CACNA1D: variants seen among roughly 807,000 people sequenced by gnomAD.
CACNA1D encodes the protein voltage-dependent L-type calcium channel subunit alpha-1D.
A neutral mutation model predicts 257.1 loss-of-function variants in CACNA1D; 55 were observed. The ratio of observed to expected loss-of-function variants is 0.21; its 90% confidence interval spans 0.17 to 0.27. The LOEUF (loss-of-function observed/expected upper bound fraction) is 0.27. CACNA1D is among the 10% of genes least tolerant of loss of function. The probability of loss-of-function intolerance (pLI) is 1.00; values close to 1 mark genes in which losing one functional copy is unlikely to be tolerated. For missense variants in CACNA1D, 1,876 were observed against 2,784.0 expected (o/e 0.67, Z 7.34); for synonymous variants, 980 against 1,014.9 (o/e 0.97, Z 0.65).
intron 4 of CACNA1D, among the ~76,000 whole-genome samples, chr3:53,651,663 C>T (rs1028869012): frequency 6.6e-5 from 10 of 152,188 alleles, no homozygotes; most frequent in Admixed American, 6.5e-4. Flanking sequence ...TACAGGAATG[C>T]TGGGTCTTTG....
intron 3 of CACNA1D, among the ~76,000 whole-genome samples, chr3:53,543,311 C>T (rs1037498097): frequency 2.0e-5 from 3 of 152,142 alleles, no homozygotes; most frequent in Non-Finnish European, 2.9e-5. Context: ...CACTGTTTCT[C>T]ATGCCCCATC....
At chr3:53,654,301 C>T (rs1024912617) in intron 4 of CACNA1D, among the ~76,000 whole-genome samples, 2 of 152,168 alleles carry the variant, frequency 1.3e-5, no homozygotes, top group Non-Finnish European at 2.9e-5. Flanking sequence ...ACAGATATTT[C>T]TCCCCTCGTT....
At chr3:53,566,835 T>C (rs187731610) in intron 3 of CACNA1D, among the ~76,000 whole-genome samples, 7 of 152,310 alleles carry the variant, frequency 4.6e-5, no homozygotes, top group African/African-American at 1.7e-4. Flanking sequence ...CATTACATGC[T>C]AAGCACCTTG....
Position 53,751,771 on chromosome 3 carries a change from TG to T in CACNA1D, c.3540del (p.Ala1182HisfsTer21). ...CAGCGTCAGTGTGTTGAATACGCCT[TG>T]AAAGCACGTCCCTTGCGGAGATACA... ...KNQRQCVEYA[L>X]KARPLRRYIP... On this transcript the variant is annotated frameshift_variant, in exon 28 of 48. Transcript: ENST00000350061. LOFTEE classifies it high-confidence loss of function. This position sits in a 1 kb window ranked among gnomAD's most constrained non-coding sequence, Gnocchi z 4.3. The T allele has an allele frequency of 6.2e-7, 1 of 1,614,192 alleles. No individual in the cohort carries two copies. Among genetic ancestry groups the T allele is most frequent in the Non-Finnish European group, 8.5e-7 (1 of 1,180,032 alleles).
At chr3:53,553,533 G>C (rs1209868175) in intron 3 of CACNA1D, among the ~76,000 whole-genome samples, 2 of 152,172 alleles carry the variant, frequency 1.3e-5, no homozygotes, top group Non-Finnish European at 1.5e-5. Context: ...GTGTGTATGG[G>C]TATGTGTGTG....
intron 3 of CACNA1D, among the ~76,000 whole-genome samples, chr3:53,571,532 C>T (rs941525364): frequency 2.0e-5 from 3 of 151,826 alleles, no homozygotes; most frequent in Middle Eastern, 3.4e-3. Flanking sequence ...GCCAGGATCC[C>T]GTAGTCTCAC....
chr3:53,678,744 T>C (rs1362572532), intron 8 of CACNA1D, among the ~76,000 whole-genome samples: 2 of 151,928 alleles, frequency 1.3e-5, no homozygotes, highest in African/African-American at 4.8e-5. Context: ...CTGGTGCCGG[T>C]GTACTGTGGA....
intron 8 of CACNA1D, among the ~76,000 whole-genome samples, chr3:53,700,711 A>G (rs1047107550): frequency 6.6e-6 from 1 of 152,112 alleles, no homozygotes; most frequent in Non-Finnish European, 1.5e-5. Flanking sequence ...CTCTAGATCC[A>G]CAAAGCCTGG....
rs778757417 is a variant in CACNA1D, at chr3:53,495,258, C to T, written c.67+25C>T. The T allele has an allele frequency of 6.2e-7, 1 of 1,612,626 alleles. No individual in the cohort carries two copies. On this transcript the variant is annotated intron_variant, in intron 1 of 47. Transcript: ENST00000350061. The surrounding 1 kb of genome is among the most constrained non-coding windows in gnomAD (Gnocchi z 5.1). Reference sequence around the variant, plus strand: ...GGTGAGCAGCCAGAGCCCGGGCACCCGCTGCCAAATCCGATCCTGTCATGG... The same window carrying T: ...GGTGAGCAGCCAGAGCCCGGGCACCTGCTGCCAAATCCGATCCTGTCATGG...
At chr3:53,613,283 G>T (rs2093602422) in intron 3 of CACNA1D, among the ~76,000 whole-genome samples, 1 of 152,206 alleles carries the variant, frequency 6.6e-6, no homozygotes, top group Non-Finnish European at 1.5e-5. Context: ...TGACCACAAA[G>T]AAGATGGCCC....
intron 4 of CACNA1D, among the ~76,000 whole-genome samples, chr3:53,654,031 A>T (rs2094124802): frequency 6.6e-6 from 1 of 152,214 alleles, no homozygotes; most frequent in South Asian, 2.1e-4. Flanking sequence ...GAAAAATGTC[A>T]ACCTAGGATT....
At chr3:53,598,428 C>T (rs2093398827) in intron 3 of CACNA1D, among the ~76,000 whole-genome samples, 1 of 150,974 alleles carries the variant, frequency 6.6e-6, no homozygotes, top group East Asian at 1.9e-4. Context: ...AAAAAAAAAC[C>T]CAAAAATTAG....
chr3:53,516,331 T>C (rs1328049725), intron 3 of CACNA1D, among the ~76,000 whole-genome samples: 1 of 152,230 alleles, frequency 6.6e-6, no homozygotes, highest in Non-Finnish European at 1.5e-5. Context: ...AATCCCTGTG[T>C]TCTTCCATGA....
At chr3:53,810,775 AAAAAAAAAAAAC>A (rs1313587111) in intron 47 of CACNA1D, among the ~76,000 whole-genome samples, 26 of 148,628 alleles carry the variant, frequency 1.7e-4, no homozygotes, top group African/African-American at 4.7e-4. Context: ...AAAAAAAAAA[AAAAAAAAAAAAC>A]AAAAACTGGT....
intron 3 of CACNA1D, among the ~76,000 whole-genome samples, chr3:53,638,449 C>T (rs2093911428): frequency 6.6e-6 from 1 of 152,166 alleles, no homozygotes; most frequent in African/African-American, 2.4e-5. Flanking sequence ...CATGCTGTTC[C>T]TGGGTGGTGG....
rs772039152 is a variant in CACNA1D, at chr3:53,811,353, G to A, written c.6433G>A (p.Gly2145Arg). 6.3e-7 allele frequency: 1 copy of A among 1,597,998 alleles called. No individual in the cohort carries two copies. Among genetic ancestry groups the A allele is most frequent in the South Asian group, 1.1e-5 (1 of 89,600 alleles). Reference protein sequence around the residue: ...PGYSDEEPDPGRDEEDLADEM... With the variant: ...PGYSDEEPDPRRDEEDLADEM... ...CTACAGCGACGAAGAGCCAGACCCT[G>A]GGAGGGATGAGGAGGACCTGGCGGA... The change falls in exon 48 of 48, where the codon GGG becomes AGG. Residue 2145 changes from glycine to arginine, a missense_variant. Gly to Arg is a moderately radical substitution (Grantham distance 125). This residue lies in a region of CACNA1D where 491 missense variants were observed against 554.3 expected (regional missense o/e 0.89). Coordinates refer to ENST00000350061, the MANE Select transcript of CACNA1D (RefSeq NM_001128840.3). This position sits in a 1 kb window ranked among gnomAD's most constrained non-coding sequence, Gnocchi z 4.2.
chr3:53,538,141 G>GTTTTTTTTTTTTTTTTTTTTTTTTTT (rs538996336), intron 3 of CACNA1D, among the ~76,000 whole-genome samples: 1 of 90,478 alleles, frequency 1.1e-5, no homozygotes, highest in African/African-American at 6.0e-5. Context: ...AGTTTTTGAA[G>GTTTTTTTTTTTTTTTTTTTTTTTTTT]TTTTTTTTTT....
At chr3:53,606,746 C>G (rs1559908410) in intron 3 of CACNA1D, among the ~76,000 whole-genome samples, 1 of 152,224 alleles carries the variant, frequency 6.6e-6, no homozygotes, top group Non-Finnish European at 1.5e-5. Context: ...TATATACACT[C>G]TGTAACTACC....
At chr3:53,762,331 A>G (rs2095308318) in intron 30 of CACNA1D, among the ~76,000 whole-genome samples, 1 of 152,250 alleles carries the variant, frequency 6.6e-6, no homozygotes, top group African/African-American at 2.4e-5. Flanking sequence ...CCTGGTCACT[A>G]GTAGGCAAGG....
Sources: gnomAD v4.1 joint callset for allele counts (sites outside exome capture counted in the v4.1 genomes callset) on GRCh38, gnomAD v4.1.1 for gene constraint, gnomAD v4.1.1 regional missense constraint, Gnocchi (gnomAD v3.1) non-coding constraint, MANE v1.5 for transcripts, NCBI Gene and HGNC (gene_info 2026-07-23, HGNC 2026-07-21) for gene names.